TSC22D1: variants seen among roughly 807,000 people sequenced by gnomAD.
TSC22D1 encodes TSC22 domain family member 1, also known as TSC22 domain family protein 1.
A neutral mutation model predicts 74.2 loss-of-function variants in TSC22D1; 9 were observed. The observed-to-expected ratio is 0.12, with a 90% CI of 0.07 to 0.21. TSC22D1 has a LOEUF of 0.21. Ranked by LOEUF, TSC22D1 falls within the 10% of genes least tolerant of loss-of-function variation. The probability of loss-of-function intolerance (pLI) is 1.00; values close to 1 mark genes in which losing one functional copy is unlikely to be tolerated. For synonymous variants in TSC22D1, 586 were observed against 492.5 expected, an observed-to-expected ratio of 1.19 and a Z score of -2.51; for missense variants, 1,427 against 1,304.7, an observed-to-expected ratio of 1.09 and a Z score of -1.44.
At chr13:44,475,229 TAGAAA>T (rs1877841425) in intron 1 of TSC22D1, among the ~76,000 whole-genome samples, 1 of 151,914 alleles carries the variant, frequency 6.6e-6, no homozygotes, top group Non-Finnish European at 1.5e-5. Context: ...AATTTTGTAG[TAGAAA>T]AAAGATAATC....
intron 1 of TSC22D1, among the ~76,000 whole-genome samples, chr13:44,438,937 T>C (rs1365099579): frequency 1.3e-5 from 2 of 152,228 alleles, no homozygotes; most frequent in Non-Finnish European, 2.9e-5. Context: ...AAGCACCATT[T>C]AAGCTATAAA....
intron 1 of TSC22D1, among the ~76,000 whole-genome samples, chr13:44,455,351 G>A (rs764942653): frequency 2.7e-4 from 41 of 152,172 alleles, no homozygotes; most frequent in Middle Eastern, 3.2e-3. Flanking sequence ...ATAGGACTGC[G>A]CAGTAACCAA....
rs1035491514 is a variant in TSC22D1, at chr13:44,433,855, G to C, written c.*771C>G. ...TTTGTCATGTAGCAGTTTTTATGTA[G>C]ATCTATATATAAAAGTCCACACCTC... On this transcript the variant is annotated 3_prime_UTR_variant, in exon 3 of 3. Transcript: ENST00000458659. The C allele has an allele frequency of 3.5e-6, 3 of 858,058 alleles. No individual in the cohort carries two copies. Among genetic ancestry groups the C allele is most frequent in the Admixed American group, 7.8e-5 (2 of 25,590 alleles). 53.2% of individuals were successfully genotyped at this position (858,058 alleles called of 1,614,324 possible).
intron 1 of TSC22D1, among the ~76,000 whole-genome samples, chr13:44,552,091 CA>C (rs1476442766): frequency 6.6e-6 from 1 of 152,126 alleles, no homozygotes; most frequent in Admixed American, 6.5e-5. Flanking sequence ...AAGGAATTCC[CA>C]AAAGAACCAT....
In TSC22D1 at chr13:44,445,216, TACACACACAC is replaced by T. The variant is rs55714213; in HGVS notation, c.2913-9131_2913-9122del. Among the ~76,000 whole-genome samples, 170 of 144,784 alleles carry T rather than the reference TACACACACAC, an allele frequency of 1.2e-3. 1 individual carries two copies. The highest frequency in any genetic ancestry group is 2.0e-3 in the South Asian group (9 of 4,544). 95.0% of individuals were successfully genotyped at this position (144,784 alleles called of 152,430 possible). On this transcript the variant is annotated intron_variant, in intron 1 of 2. Coordinates refer to ENST00000458659, the MANE Select transcript of TSC22D1 (RefSeq NM_183422.4). ...TGGAACAAAACAGAGAGGTCAAAGA[TACACACACAC>T]ACACACACACACACACACACACACA...
chr13:44,511,435 C>T (rs1015323475), intron 1 of TSC22D1, among the ~76,000 whole-genome samples: 54 of 152,244 alleles, frequency 3.5e-4, no homozygotes, highest in African/African-American at 1.3e-3. Context: ...AAGCTATGAA[C>T]GTCATAAAAC....
chr13:44,574,660 C>G lies in TSC22D1; in HGVS notation c.1415G>C (p.Ser472Thr). Residue 472 changes from serine (S) to threonine (T), a missense_variant, in exon 1 of 3, where the codon AGT becomes ACT. Ser to Thr is a moderately conservative substitution (Grantham distance 58, BLOSUM62 1). Coordinates refer to ENST00000458659, the MANE Select transcript of TSC22D1 (RefSeq NM_183422.4). ...RESTSGSSVS[S>T]SVSTLSHYTE... The stretch of plus-strand genomic sequence containing the variant: ...ATAGTGACTCAGTGTGCTGACACTA[C>G]TGCTCACTGAACTCCCACTAGTGCT... The G allele has an allele frequency of 6.2e-7, 1 of 1,614,148 alleles. No individual in the cohort carries two copies. Among genetic ancestry groups the G allele is most frequent in the Non-Finnish European group, 8.5e-7 (1 of 1,180,026 alleles).
intron 1 of TSC22D1, among the ~76,000 whole-genome samples, chr13:44,521,148 T>C (rs1880295625): frequency 6.6e-6 from 1 of 152,144 alleles, no homozygotes; most frequent in Admixed American, 6.5e-5. Context: ...AGCACCCATA[T>C]TGTCAATACA....
intron 1 of TSC22D1, among the ~76,000 whole-genome samples, chr13:44,568,543 C>T (rs1883532577): frequency 6.6e-6 from 1 of 152,010 alleles, no homozygotes; most frequent in Non-Finnish European, 1.5e-5. Flanking sequence ...TGCTATATTG[C>T]CCAAATTAAT....
rs773475441 is a variant in TSC22D1, at chr13:44,573,777, T to C, written c.2298A>G (p.Pro766=). 7.4e-6 allele frequency: 12 copies of C among 1,614,224 alleles called. No individual in the cohort carries two copies. The highest frequency in any genetic ancestry group is 1.6e-4 in the Middle Eastern group (1 of 6,062). Reference sequence around the variant, plus strand: ...GATGAATAATCCCAGTTTGAGCAGGTGGAACCACTTGCGAAGATGGAGGAG... The same window carrying C: ...GATGAATAATCCCAGTTTGAGCAGGCGGAACCACTTGCGAAGATGGAGGAG... ...QGAPPSSQVV[P]PAQTGIIHQG... The change falls in exon 1 of 3, where the codon CCA becomes CCG. Residue 766 remains proline (P), a synonymous_variant. Transcript: ENST00000458659.
In TSC22D1 at chr13:44,522,009, A is replaced by G. The variant is rs374622187; in HGVS notation, c.2912+51154T>C. On this transcript the variant is annotated intron_variant, in intron 1 of 2. Transcript: ENST00000458659. ...CCCTGGTCTCAGGAAGTCAGACAAT[A>G]AATAGACCAACAATATATGCTTTTA... Among the ~76,000 whole-genome samples the G allele has an allele frequency of 4.7e-4, 71 of 152,358 alleles. 1 individual carries two copies. The highest frequency in any genetic ancestry group is 1.5e-3 in the African/African-American group (63 of 41,586).
chr13:44,509,950 C>CAAAAAAAAAAAAAAAAAAA, intron 1 of TSC22D1, among the ~76,000 whole-genome samples: 24 of 51,434 alleles, frequency 4.7e-4, no homozygotes, highest in Admixed American at 8.0e-4. Context: ...AGAAAATAAG[C>CAAAAAAAAAAAAAAAAAAA]AAAAAAAAAA....
chr13:44,477,650 T>TC, intron 1 of TSC22D1, among the ~76,000 whole-genome samples: 1 of 150,334 alleles, frequency 6.7e-6, no homozygotes, highest in East Asian at 2.0e-4. Flanking sequence ...TTTTTTTTTT[T>TC]TTTTTTTTTG....
At chr13:44,538,079 C>T (rs1302976451) in intron 1 of TSC22D1, 6 of 985,124 alleles carry the variant, frequency 6.1e-6, no homozygotes, top group Non-Finnish European at 6.0e-6. Flanking sequence ...AACTATTTTG[C>T]AACACTTATT....
Position 44,434,202 on chromosome 13 carries a change from A to C in TSC22D1, c.*424T>G, listed in dbSNP as rs1566107564. On this transcript the variant is annotated 3_prime_UTR_variant, in exon 3 of 3. Coordinates refer to ENST00000458659, the MANE Select transcript of TSC22D1 (RefSeq NM_183422.4). ...CTCCTTTCAAGTTCCTCCTGGGGGG[A>C]GGAGAGGAGAGAGGCGAGTCCAGTG... 6.9e-7 allele frequency: 1 copy of C among 1,447,686 alleles called. No homozygotes were observed. The highest frequency in any genetic ancestry group is 9.0e-7 in the Non-Finnish European group (1 of 1,114,358). 89.7% of individuals were successfully genotyped at this position (1,447,686 alleles called of 1,614,324 possible). A position where few individuals can be genotyped will look rare whatever the true frequency, so the allele number is the denominator to read the frequency against.
At chr13:44,496,705 T>A (rs979271968) in intron 1 of TSC22D1, among the ~76,000 whole-genome samples, 1 of 151,322 alleles carries the variant, frequency 6.6e-6, no homozygotes, top group Admixed American at 6.6e-5. Flanking sequence ...GTAATAATAA[T>A]AAAAAATAAA....
chr13:44,533,367 C>A (rs192910821), intron 1 of TSC22D1, among the ~76,000 whole-genome samples: 2 of 150,694 alleles, frequency 1.3e-5, no homozygotes, highest in Admixed American at 6.6e-5. Context: ...GAGGCTGAGG[C>A]GAGAACCACT....
intron 1 of TSC22D1, among the ~76,000 whole-genome samples, chr13:44,550,586 GA>G (rs372509812): frequency 0.21 from 26,786 of 128,960 alleles, 2,961 homozygotes; most frequent in African/African-American, 0.35. Flanking sequence ...CTGTCTCGGG[GA>G]AAAAAAAAAA....
At chr13:44,527,743 G>A (rs149016210) in intron 1 of TSC22D1, among the ~76,000 whole-genome samples, 172 of 152,124 alleles carry the variant, frequency 1.1e-3, no homozygotes, top group African/African-American at 3.9e-3. Context: ...TTAAAACACA[G>A]AGACTTTCAA....
Sources: gnomAD v4.1 joint callset for allele counts (sites outside exome capture counted in the v4.1 genomes callset) on GRCh38, gnomAD v4.1.1 for gene constraint, MANE v1.5 for transcripts, NCBI Gene and HGNC (gene_info 2026-07-23, HGNC 2026-07-21) for gene names.